Variants in ROBO2 observed in about 807,000 individuals in gnomAD.
ROBO2 encodes roundabout guidance receptor 2.
A neutral mutation model predicts 160.8 loss-of-function variants in ROBO2; 53 were observed. The ratio of observed to expected loss-of-function variants is 0.33; its 90% CI spans 0.26 to 0.41. The LOEUF (loss-of-function observed/expected upper bound fraction) is 0.41, where lower values mean the gene tolerates loss of function less well. Ranked by LOEUF, ROBO2 falls within the 10% of genes least tolerant of loss-of-function variation. The pLI is 1.00. For synonymous variants in ROBO2, 664 were observed against 611.7 expected (o/e 1.09, Z -1.26); for missense variants, 1,577 against 1,722.4 (o/e 0.92, Z 1.49).
intron 2 of ROBO2, among the ~76,000 whole-genome samples, chr3:76,571,656 T>C (rs2084963668): frequency 6.6e-6 from 1 of 152,166 alleles, no homozygotes; most frequent in South Asian, 2.1e-4. Flanking sequence ...AAATTCATAT[T>C]TAACATTACA....
chr3:76,764,401 T>G (rs940097585), intron 2 of ROBO2, among the ~76,000 whole-genome samples: 1 of 151,750 alleles, frequency 6.6e-6, no homozygotes, highest in African/African-American at 2.4e-5. Flanking sequence ...AATATTTTAA[T>G]CATACTGTAT....
At chr3:76,889,019 C>T (rs2074136007) in intron 2 of ROBO2, among the ~76,000 whole-genome samples, 1 of 152,180 alleles carries the variant, frequency 6.6e-6, no homozygotes. Flanking sequence ...TTTATTCATT[C>T]TTCACACGAT....
chr3:77,279,481 G>A (rs977126197), intron 2 of ROBO2, among the ~76,000 whole-genome samples: 4 of 152,082 alleles, frequency 2.6e-5, no homozygotes, highest in African/African-American at 9.7e-5. Flanking sequence ...TGTGGGGTGT[G>A]TTCATAATGA....
chr3:77,450,425 A>G (rs2081001684), intron 2 of ROBO2, among the ~76,000 whole-genome samples: 1 of 152,080 alleles, frequency 6.6e-6, no homozygotes, highest in African/African-American at 2.4e-5. Context: ...GTACATCTAG[A>G]GATAATAATC....
chr3:77,103,541 G>A (rs937235052), intron 2 of ROBO2, among the ~76,000 whole-genome samples: 79 of 152,100 alleles, frequency 5.2e-4, no homozygotes, highest in African/African-American at 1.9e-3. Flanking sequence ...AGTTACAAGA[G>A]AGAACAGATG....
At chr3:77,143,288 A>G (rs1579352562) in intron 2 of ROBO2, among the ~76,000 whole-genome samples, 2 of 143,610 alleles carry the variant, frequency 1.4e-5, no homozygotes, top group Admixed American at 7.5e-5. Context: ...TCTGCCTCCC[A>G]GGTTCAAGCA....
chr3:76,263,506 A>G (rs1706902088), intron 2 of ROBO2, among the ~76,000 whole-genome samples: 1 of 152,148 alleles, frequency 6.6e-6, no homozygotes. Flanking sequence ...TACAGGTGTG[A>G]GCCACCCTGC....
intron 2 of ROBO2, among the ~76,000 whole-genome samples, chr3:76,661,882 T>A (rs568798069): frequency 4.6e-5 from 7 of 152,142 alleles, no homozygotes; most frequent in Admixed American, 6.5e-5. Context: ...CTTTGCAGGG[T>A]CATTTAAAAA....
At chr3:76,496,532 C>G (rs567249946) in intron 2 of ROBO2, among the ~76,000 whole-genome samples, 1 of 152,148 alleles carries the variant, frequency 6.6e-6, no homozygotes, top group Non-Finnish European at 1.5e-5. Context: ...ATGTACTTCT[C>G]CTGTTCCCAA....
chr3:76,184,881 A>G (rs930719212), intron 2 of ROBO2, among the ~76,000 whole-genome samples: 105 of 151,824 alleles, frequency 6.9e-4, no homozygotes, highest in African/African-American at 2.0e-3. Context: ...AGACAGACAT[A>G]TTTGCCTTTT....
At chr3:76,550,775 G>A (rs538246526) in intron 2 of ROBO2, among the ~76,000 whole-genome samples, 3 of 152,350 alleles carry the variant, frequency 2.0e-5, no homozygotes, top group Admixed American at 6.5e-5. Flanking sequence ...CGACCTGGCT[G>A]AGTATGTGCA....
intron 2 of ROBO2, among the ~76,000 whole-genome samples, chr3:77,145,396 G>A (rs947929379): frequency 6.6e-6 from 1 of 152,138 alleles, no homozygotes; most frequent in African/African-American, 2.4e-5. Flanking sequence ...GTGATTTCTT[G>A]TAGCTAACGT....
intron 1 of ROBO2, among the ~76,000 whole-genome samples, chr3:77,053,827 G>A (rs910347191): frequency 6.6e-6 from 1 of 152,142 alleles, no homozygotes; most frequent in Non-Finnish European, 1.5e-5. Context: ...AGAGGGAGAA[G>A]CCAGCAAAGC....
chr3:77,219,190 G>A (rs1390624201), intron 2 of ROBO2, among the ~76,000 whole-genome samples: 1 of 151,392 alleles, frequency 6.6e-6, no homozygotes, highest in African/African-American at 2.4e-5. Context: ...GGCTGGTCTC[G>A]AACTCAGCAC....
rs567062298 is a variant in ROBO2 at position 76,674,540 on chromosome 3, A to G, written c.110-423474A>G. ...CCTTTCCAAAAGATTTTACAAAGAT[A>G]GAAAGTGAGAATTTTCTAATAGAGA... On this transcript the variant is annotated intron_variant, in intron 2 of 26. Transcript: ENST00000487694. Among the ~76,000 whole-genome samples the G allele has an allele frequency of 3.3e-5, 5 of 152,020 alleles. No individual in the cohort carries two copies. The South Asian group carries it at 1.0e-3, about 32-fold the overall frequency.
At chr3:76,927,302 A>G (rs2077046847) in intron 2 of ROBO2, among the ~76,000 whole-genome samples, 1 of 152,198 alleles carries the variant, frequency 6.6e-6, no homozygotes, top group African/African-American at 2.4e-5. Flanking sequence ...AAAGAGACTA[A>G]GAAATCCTTG....
At position 76,041,057 on chromosome 3, in the gene ROBO2, A is replaced by G. The variant is rs114975764; in HGVS notation, c.109+103455A>G. 4.6e-3 allele frequency among the ~76,000 whole-genome samples: 702 copies of G among 152,166 alleles called. 14 individuals are homozygous for G. The highest frequency in any genetic ancestry group is 0.016 in the African/African-American group (670 of 41,418). On this transcript the variant is annotated intron_variant, in intron 2 of 26. Transcript: ENST00000487694. ...AATATTACAAGTATGTAGATTTCCA[A>G]CACAGATTGGTTCCTTTCCAATGCC...
intron 2 of ROBO2, among the ~76,000 whole-genome samples, chr3:76,961,763 G>C (rs1484557717): frequency 6.6e-6 from 1 of 152,130 alleles, no homozygotes; most frequent in Admixed American, 6.5e-5. Flanking sequence ...AAGGCAATCA[G>C]TACAAATATA....
chr3:76,146,978 A>G (rs1049613010), intron 2 of ROBO2, among the ~76,000 whole-genome samples: 8 of 151,224 alleles, frequency 5.3e-5, no homozygotes, highest in Non-Finnish European at 3.0e-5. Context: ...TGGAGGGTAG[A>G]GATTGGGAGG....
Sources: gnomAD v4.1 joint callset for allele counts (sites outside exome capture counted in the v4.1 genomes callset) on GRCh38, gnomAD v4.1.1 for gene constraint, MANE v1.5 for transcripts, NCBI Gene and HGNC (gene_info 2026-07-23, HGNC 2026-07-21) for gene names.